The following RBM33 variants were observed in gnomAD, a reference collection of about 807,000 sequenced individuals.
RBM33 encodes RNA-binding protein 33.
A neutral mutation model predicts 132.6 loss-of-function variants in RBM33; 28 were observed. The ratio of observed to expected loss-of-function variants is 0.21; its 90% confidence interval spans 0.16 to 0.29. RBM33 has a LOEUF of 0.29. Ranked by LOEUF, RBM33 falls within the 10% of genes least tolerant of loss-of-function variation. RBM33 has a pLI of 1.00. For missense variants in RBM33, 1,291 were observed against 1,518.5 expected (o/e 0.85, Z 2.49); for synonymous variants, 634 against 593.0 (o/e 1.07, Z -1.01).
chr7:155,752,911 G>A (rs1026574591), intron 14 of RBM33, among the ~76,000 whole-genome samples: 2 of 152,110 alleles, frequency 1.3e-5, no homozygotes, highest in Non-Finnish European at 2.9e-5. Context: ...TCATCTGACC[G>A]TGTGTTTTCA....
intron 2 of RBM33, among the ~76,000 whole-genome samples, chr7:155,666,880 A>C (rs1798816131): frequency 1.3e-5 from 2 of 152,208 alleles, no homozygotes; most frequent in African/African-American, 4.8e-5. Flanking sequence ...TCAGATGTAT[A>C]ATCTTTTTTC....
rs548188543 is a variant in RBM33 at position 155,650,283 on chromosome 7, C to G, written c.43+5364C>G. ...TTTGAGGACAGGTTCTTATTGACCC[C>G]TTTAGCATCACTGCACCAGGAGCAC... is the stretch of plus-strand genomic sequence containing the variant. On this transcript the variant is annotated intron_variant, in intron 1 of 17. Transcript: ENST00000401878. 7.2e-5 allele frequency among the ~76,000 whole-genome samples: 11 copies of G among 152,334 alleles called. No homozygotes were observed. The South Asian group carries it at 2.3e-3, about 32-fold the overall frequency.
intron 2 of RBM33, among the ~76,000 whole-genome samples, chr7:155,668,266 G>A (rs371589613): frequency 1.3e-5 from 2 of 152,102 alleles, no homozygotes; most frequent in Admixed American, 6.5e-5. Context: ...TGAATTGGGC[G>A]CACATGGTCA....
chr7:155,660,155 C>G (rs1349644974), intron 1 of RBM33, among the ~76,000 whole-genome samples: 2 of 152,176 alleles, frequency 1.3e-5, no homozygotes, highest in Non-Finnish European at 1.5e-5. Context: ...CTGACTACAC[C>G]CTCTGCCTCC....
chr7:155,718,713 T>C (rs2116991036), intron 9 of RBM33, among the ~76,000 whole-genome samples: 1 of 152,318 alleles, frequency 6.6e-6, no homozygotes, highest in African/African-American at 2.4e-5. Flanking sequence ...ATTGATTTTA[T>C]TATTGCCTTA....
At position 155,745,131 on chromosome 7, in the gene RBM33, T is replaced by A; in HGVS notation, c.2508T>A (p.Ala836=). ...CGCAGCAACAGCAGCAGCTGTACGCTCCCCCACCCCCAGCAGAGCAGGAAG... is the reference window on the plus strand; with the variant it reads ...CGCAGCAACAGCAGCAGCTGTACGCACCCCCACCCCCAGCAGAGCAGGAAG... ...RLAQQQQQLY[A]PPPPAEQEEQ... Residue 836 remains alanine (A), a synonymous_variant, in exon 14 of 18, where the codon GCT becomes GCA. Transcript: ENST00000401878. The surrounding 1 kb of genome is among the most constrained non-coding windows in gnomAD (Gnocchi z 4.1). 6.2e-7 allele frequency: 1 copy of A among 1,601,362 alleles called. No individual in the cohort carries two copies. The highest frequency in any genetic ancestry group is 1.1e-5 in the South Asian group (1 of 89,254).
Position 155,673,796 on chromosome 7 carries a change from A to ACC in RBM33, c.171+882_171+883insCC, listed in dbSNP as rs1402182679. Among the ~76,000 whole-genome samples, 19 of 142,800 alleles carry ACC rather than the reference A, an allele frequency of 1.3e-4. 2 individuals carry two copies. The highest frequency in any genetic ancestry group is 5.6e-4 in the African/African-American group (19 of 33,822). 93.7% of individuals were successfully genotyped at this position (142,800 alleles called of 152,430 possible). A position where few individuals can be genotyped will look rare whatever the true frequency, so the allele number is the denominator to read the frequency against. The stretch of plus-strand genomic sequence containing the variant: ...CACACACACACACACACACACACAC[A>ACC]CACACCCCTACCAGTATATTTCGGA... On this transcript the variant is annotated intron_variant, in intron 3 of 17. Transcript: ENST00000401878.
rs2117088955 is a variant in RBM33 at position 155,774,846 on chromosome 7, T to C, written c.3465-147T>C. ...TGGTGGAGAATTGCCCCTTGTGTTT[T>C]AATAGATCTTCCCGGGGAATCTGCC... On this transcript the variant is annotated intron_variant, in intron 17 of 17. Transcript: ENST00000401878. This position sits in a 1 kb window ranked among gnomAD's most constrained non-coding sequence, Gnocchi z 4.2. The C allele has an allele frequency of 1.3e-6, 1 of 794,412 alleles. No homozygotes were observed. Among genetic ancestry groups the C allele is most frequent in the Non-Finnish European group, 2.1e-6 (1 of 480,234 alleles). The allele number at this position is 794,412 out of a possible 1,614,324, so 49.2% of individuals were successfully genotyped here.
chr7:155,682,511 G>A (rs1164135925), intron 5 of RBM33, among the ~76,000 whole-genome samples: 2 of 152,172 alleles, frequency 1.3e-5, no homozygotes, highest in Non-Finnish European at 2.9e-5. Context: ...TTATTGCCTA[G>A]TTAGAGTATT....
At chr7:155,729,285 G>A (rs1192262603) in intron 9 of RBM33, among the ~76,000 whole-genome samples, 5 of 152,118 alleles carry the variant, frequency 3.3e-5, no homozygotes, top group Admixed American at 1.3e-4. Context: ...ATTACAGTTC[G>A]AGATGAGATT....
At chr7:155,767,447 G>A (rs1802263188) in intron 16 of RBM33, among the ~76,000 whole-genome samples, 1 of 152,264 alleles carries the variant, frequency 6.6e-6, no homozygotes, top group South Asian at 2.1e-4. Context: ...GAGTTCTGAG[G>A]AGTCCAAAGT....
Position 155,775,445 on chromosome 7 carries a change from T to A in RBM33, c.*404T>A. 3.1e-6 allele frequency: 1 copy of A among 322,510 alleles called. No homozygotes were observed. Among genetic ancestry groups the A allele is most frequent in the South Asian group, 3.0e-5 (1 of 33,274 alleles). 20.0% of individuals were successfully genotyped at this position (322,510 alleles called of 1,614,324 possible). A position where few individuals can be genotyped will look rare whatever the true frequency, so the allele number is the denominator to read the frequency against. ...ACAGCAAAGAATATTTGATAATGGTTGCACTTATCTTCAGTGCAGGTTAGA... is the reference window on the plus strand; with the variant it reads ...ACAGCAAAGAATATTTGATAATGGTAGCACTTATCTTCAGTGCAGGTTAGA... On this transcript the variant is annotated 3_prime_UTR_variant, in exon 18 of 18. Transcript: ENST00000401878.
rs190585606 is a variant in RBM33, at chr7:155,761,107, T to A, written c.2980-2705T>A. Among the ~76,000 whole-genome samples the A allele has an allele frequency of 2.3e-4, 35 of 152,312 alleles. No homozygotes were observed. The East Asian group carries it at 4.6e-3, about 20-fold the overall frequency. On this transcript the variant is annotated intron_variant, in intron 14 of 17. Coordinates refer to ENST00000401878, the MANE Select transcript of RBM33 (RefSeq NM_053043.3). ...CGGTCCTTTCCTTTGTGTAGTGTGT[T>A]CCCTTGGTTAACCGGGGGGGTGTTA...
intron 15 of RBM33, among the ~76,000 whole-genome samples, chr7:155,765,019 A>T (rs1480763085): frequency 2.0e-5 from 3 of 152,228 alleles, no homozygotes; most frequent in Non-Finnish European, 4.4e-5. Flanking sequence ...CTGTGGTCTG[A>T]ATTTTCTTCC....
At chr7:155,731,349 A>G (rs1800951931) in intron 9 of RBM33, among the ~76,000 whole-genome samples, 1 of 152,230 alleles carries the variant, frequency 6.6e-6, no homozygotes, top group African/African-American at 2.4e-5. Context: ...TTTCCTGTAC[A>G]TATATACCTA....
intron 14 of RBM33, among the ~76,000 whole-genome samples, chr7:155,754,433 A>G (rs28625035): frequency 0.25 from 37,997 of 152,180 alleles, 5,166 homozygotes; most frequent in African/African-American, 0.35. Context: ...GCCACTTTTC[A>G]GAGCCTGGGG....
chr7:155,647,795 T>C (rs1267315257), intron 1 of RBM33, among the ~76,000 whole-genome samples: 1 of 152,298 alleles, frequency 6.6e-6, no homozygotes. Context: ...CTATCCTTAC[T>C]AATAGCAGAG....
At chr7:155,689,407 T>C (rs939356933) in intron 5 of RBM33, among the ~76,000 whole-genome samples, 3 of 152,216 alleles carry the variant, frequency 2.0e-5, no homozygotes, top group African/African-American at 7.2e-5. Context: ...ATTTTGTTGA[T>C]CTTTTCAAAA....
intron 11 of RBM33, chr7:155,738,758 C>A (rs1801216490): frequency 4.3e-6 from 1 of 229,984 alleles, no homozygotes; most frequent in Non-Finnish European, 8.6e-6. Flanking sequence ...AAATTATATT[C>A]CTGCAGTAGA....
Sources: allele counts gnomAD v4.1 joint callset (sites outside exome capture counted in the v4.1 genomes callset), GRCh38; gene constraint gnomAD v4.1.1; non-coding constraint Gnocchi (gnomAD v3.1); transcripts MANE v1.5; gene names NCBI Gene and HGNC (gene_info 2026-07-23, HGNC 2026-07-21).